The following COPG2 variants were observed in gnomAD, a reference collection of about 807,000 sequenced individuals.
COPG2 encodes coatomer subunit gamma-2.
Under a neutral mutation model 46.3 loss-of-function variants are expected in COPG2, and 37 were observed. That is an observed-to-expected ratio of 0.80 (90% CI 0.61 to 1.05). The LOEUF is 1.05. Ranked by LOEUF, COPG2 falls within the 50% of genes least tolerant of loss-of-function variation. COPG2 has a pLI of 0.00. For missense variants in COPG2, 427 were observed against 387.8 expected (o/e 1.10, Z -0.85); for synonymous variants, 159 against 129.7 (o/e 1.23, Z -1.53).
chr7:130,564,484 C>T (rs1440657353), intron 9 of COPG2, 91 bp from the exon 10 acceptor site: 9 of 397,880 alleles, frequency 2.3e-5, no homozygotes, highest in African/African-American at 1.6e-4. Context: ...TTGAGAGGCA[C>T]TTCTGGAATG....
rs145225039 is a variant in COPG2 at position 130,649,045 on chromosome 7, C to T, written c.323+3824G>A. On this transcript the variant is annotated intron_variant, in intron 5 of 23. Coordinates refer to ENST00000425248, the MANE Select transcript of COPG2 (RefSeq NM_012133.6). ...ACCTTGTGGGTCTACTGTATAAGTA[C>T]AGAGACTCACTCCATTAGACAAGAG... 1.3e-3 allele frequency among the ~76,000 whole-genome samples: 197 copies of T among 152,308 alleles called. 1 individual carries two copies. Among genetic ancestry groups the T allele is most frequent in the Non-Finnish European group, 1.9e-3 (132 of 68,026 alleles).
chr7:130,576,238 C>T lies in COPG2; in HGVS notation c.738-11845G>A, dbSNP rs576957766. Among the ~76,000 whole-genome samples the T allele has an allele frequency of 5.3e-5, 8 of 152,218 alleles. No homozygotes were observed. In the South Asian group the frequency reaches 1.7e-3, roughly 32 times the overall value. On this transcript the variant is annotated intron_variant, in intron 9 of 23. Transcript: ENST00000425248. The stretch of plus-strand genomic sequence containing the variant: ...AAATGGACTTAACAAATATATAGAA[C>T]ATCTTATCCAACAACCACTGAATAC...
At chr7:130,565,058 G>A (rs951539244) in intron 9 of COPG2, among the ~76,000 whole-genome samples, 10 of 152,296 alleles carry the variant, frequency 6.6e-5, no homozygotes, top group South Asian at 2.1e-4. Context: ...TGTCCTTAGG[G>A]GGCTTTGAAA....
chr7:130,635,708 T>C (rs969686880), intron 5 of COPG2, among the ~76,000 whole-genome samples: 1 of 152,220 alleles, frequency 6.6e-6, no homozygotes, highest in Admixed American at 6.5e-5. Flanking sequence ...TCTCCTTCAG[T>C]TCTGCTCTGC....
chr7:130,557,251 A>G (rs1197798801), intron 12 of COPG2, among the ~76,000 whole-genome samples: 2 of 152,198 alleles, frequency 1.3e-5, no homozygotes, highest in Non-Finnish European at 2.9e-5. Context: ...AACATTTATA[A>G]TAGCAATGAA....
intron 21 of COPG2, chr7:130,508,033 T>C: frequency 1.9e-6 from 1 of 527,372 alleles, no homozygotes; most frequent in East Asian, 3.2e-5. Context: ...GATCAACATC[T>C]GTAGCCCTGA....
At chr7:130,578,549 T>C (rs1314574804) in intron 9 of COPG2, among the ~76,000 whole-genome samples, 3 of 150,632 alleles carry the variant, frequency 2.0e-5, no homozygotes, top group African/African-American at 7.3e-5. Context: ...CAAATTACTC[T>C]GAGCTACGGG....
intron 11 of COPG2, among the ~76,000 whole-genome samples, chr7:130,561,770 A>C (rs981508166): frequency 6.6e-6 from 1 of 152,210 alleles, no homozygotes; most frequent in Non-Finnish European, 1.5e-5. Flanking sequence ...GGAAAATCTG[A>C]AAACACTCTG....
intron 20 of COPG2, among the ~76,000 whole-genome samples, chr7:130,533,040 T>C (rs1054984980): frequency 5.9e-4 from 89 of 151,972 alleles, no homozygotes; most frequent in African/African-American, 2.1e-3. Context: ...GAGGGTGAGT[T>C]TGCAGCACGT....
intron 5 of COPG2, among the ~76,000 whole-genome samples, chr7:130,626,489 T>C (rs1045507067): frequency 4.7e-5 from 7 of 150,064 alleles, no homozygotes; most frequent in Admixed American, 1.3e-4. Flanking sequence ...GACCTCATGA[T>C]CCACCCAACT....
intron 20 of COPG2, among the ~76,000 whole-genome samples, chr7:130,537,557 TG>T (rs1799893373): frequency 6.7e-6 from 1 of 150,042 alleles, no homozygotes; most frequent in African/African-American, 2.4e-5. Context: ...AGCTGGGAGC[TG>T]GGAGAGCAGA....
intron 14 of COPG2, among the ~76,000 whole-genome samples, chr7:130,553,964 A>T (rs1793575567): frequency 6.6e-6 from 1 of 152,176 alleles, no homozygotes; most frequent in Non-Finnish European, 1.5e-5. Context: ...GAGGATTTTT[A>T]AGGGAGAGCT....
intron 9 of COPG2, among the ~76,000 whole-genome samples, chr7:130,573,213 CA>C (rs374780719): frequency 0.26 from 38,438 of 145,386 alleles, 5,084 homozygotes; most frequent in Middle Eastern, 0.36. Flanking sequence ...AATCACACCT[CA>C]AAAAAAAAAA....
chr7:130,662,522 G>A (rs1454774002), intron 4 of COPG2, among the ~76,000 whole-genome samples: 3 of 152,182 alleles, frequency 2.0e-5, no homozygotes, highest in African/African-American at 7.2e-5. Flanking sequence ...GGTAATGAGA[G>A]GCAGGTTTAG....
intron 5 of COPG2, 122 bp downstream of exon 5, chr7:130,652,747 G>A: frequency 1.5e-6 from 1 of 681,588 alleles, no homozygotes; most frequent in South Asian, 1.8e-5. Flanking sequence ...AGAAAAGAAT[G>A]CTTTAAGATA....
intron 20 of COPG2, among the ~76,000 whole-genome samples, chr7:130,529,449 G>A (rs1371297203): frequency 6.6e-6 from 1 of 152,158 alleles, no homozygotes; most frequent in Non-Finnish European, 1.5e-5. Flanking sequence ...GACAGAAGGT[G>A]CATGATAGGG....
At chr7:130,542,867 G>A (rs1793360403) in intron 20 of COPG2, among the ~76,000 whole-genome samples, 1 of 152,186 alleles carries the variant, frequency 6.6e-6, no homozygotes, top group Non-Finnish European at 1.5e-5. Context: ...GTGGAATGCA[G>A]AGTTCCCAAA....
chr7:130,510,267 C>T lies in COPG2; in HGVS notation c.2150-1608G>A, dbSNP rs187554196. On this transcript the variant is annotated intron_variant, in intron 20 of 23. Transcript: ENST00000425248. Reference sequence around the variant, plus strand: ...TTTTCCCATATAGGAAAGAATGAACCTATCAAGCCTGCAGAATCAATTTCA... The same window carrying T: ...TTTTCCCATATAGGAAAGAATGAACTTATCAAGCCTGCAGAATCAATTTCA... 7.7e-6 allele frequency: 4 copies of T among 517,954 alleles called. No homozygotes were observed. The East Asian group carries it at 2.2e-4, about 28-fold the overall frequency. The allele number at this position is 517,954 out of a possible 1,614,324, so 32.1% of individuals were successfully genotyped here.
At chr7:130,647,015 A>G (rs1298730426) in intron 5 of COPG2, among the ~76,000 whole-genome samples, 2 of 17,268 alleles carry the variant, frequency 1.2e-4, no homozygotes, top group Admixed American at 1.2e-3. Context: ...ATATATGTAT[A>G]TATATATATG....
Sources: allele counts gnomAD v4.1 joint callset (sites outside exome capture counted in the v4.1 genomes callset), GRCh38; gene constraint gnomAD v4.1.1; transcripts MANE v1.5; gene names NCBI Gene and HGNC (gene_info 2026-07-23, HGNC 2026-07-21).